Variants in SCAPER observed in about 807,000 individuals in gnomAD.
The protein encoded by SCAPER is S-phase cyclin A associated protein in the ER, also known as S phase cyclin A-associated protein in the endoplasmic reticulum.
In SCAPER, 98 loss-of-function variants were observed where a neutral mutation model predicts 182.2. The observed-to-expected ratio is 0.54, with a 90% CI of 0.46 to 0.64. The LOEUF is 0.64. SCAPER is among the 30% of genes least tolerant of loss of function. The pLI is 0.00. For synonymous variants in SCAPER, 605 were observed against 564.6 expected, an observed-to-expected ratio of 1.07 and a Z score of -1.01; for missense variants, 1,432 against 1,690.0, an observed-to-expected ratio of 0.85 and a Z score of 2.68.
intron 27 of SCAPER, among the ~76,000 whole-genome samples, chr15:76,403,624 G>A (rs1233503855): frequency 6.6e-6 from 1 of 152,158 alleles, no homozygotes; most frequent in African/African-American, 2.4e-5. Context: ...TCCTTAAGAA[G>A]CTAGACTTTA....
chr15:76,644,391 T>C (rs899545511), intron 21 of SCAPER, among the ~76,000 whole-genome samples: 1 of 152,182 alleles, frequency 6.6e-6, no homozygotes, highest in Non-Finnish European at 1.5e-5. Context: ...TTTATATTAT[T>C]TCTAAATGCT....
At chr15:76,463,556 T>C (rs1271429435) in intron 25 of SCAPER, among the ~76,000 whole-genome samples, 1 of 152,104 alleles carries the variant, frequency 6.6e-6, no homozygotes, top group Non-Finnish European at 1.5e-5. Flanking sequence ...CTCCCAAAAA[T>C]ACATACACAC....
chr15:76,796,886 A>G (rs1325633673), intron 7 of SCAPER, among the ~76,000 whole-genome samples: 2 of 152,310 alleles, frequency 1.3e-5, no homozygotes, highest in East Asian at 1.9e-4. Context: ...ATACTACCTA[A>G]TAACTCCATA....
intron 24 of SCAPER, among the ~76,000 whole-genome samples, chr15:76,480,842 T>C (rs1016575082): frequency 6.6e-6 from 1 of 152,284 alleles, no homozygotes; most frequent in South Asian, 2.1e-4. Flanking sequence ...GCCATTCTCC[T>C]GCCTCAGCCT....
chr15:76,885,009 C>T (rs2073766162), intron 1 of SCAPER, among the ~76,000 whole-genome samples: 1 of 152,120 alleles, frequency 6.6e-6, no homozygotes, highest in Non-Finnish European at 1.5e-5. Flanking sequence ...TTGCTGAAGG[C>T]TGCGGGGTTA....
chr15:76,609,873 C>A (rs2050819627), intron 22 of SCAPER, among the ~76,000 whole-genome samples: 1 of 152,046 alleles, frequency 6.6e-6, no homozygotes, highest in East Asian at 1.9e-4. Context: ...TTAACCAGTA[C>A]TTCTTTTTTT....
chr15:76,539,787 T>C (rs1019734966), intron 23 of SCAPER, among the ~76,000 whole-genome samples: 1 of 152,108 alleles, frequency 6.6e-6, no homozygotes, highest in African/African-American at 2.4e-5. Context: ...CCTCGTGATC[T>C]GCCCGCCTCG....
At chr15:76,404,706 A>T in intron 26 of SCAPER, 27 bp from the exon 27 acceptor site, 3 of 1,601,748 alleles carry the variant, frequency 1.9e-6, no homozygotes, top group Non-Finnish European at 1.7e-6. Flanking sequence ...AATGCATGTT[A>T]TCAATCTGAA....
chr15:76,566,626 C>A (rs760847244), intron 23 of SCAPER, among the ~76,000 whole-genome samples: 11 of 152,036 alleles, frequency 7.2e-5, no homozygotes, highest in Non-Finnish European at 1.0e-4. Flanking sequence ...AAATACAGAT[C>A]GCATTCACTT....
At chr15:76,667,935 C>T (rs548713419) in intron 20 of SCAPER, among the ~76,000 whole-genome samples, 1 of 151,498 alleles carries the variant, frequency 6.6e-6, no homozygotes, top group African/African-American at 2.4e-5. Flanking sequence ...TGCACTCCAG[C>T]CTGGGCAACA....
chr15:76,710,451 G>C (rs183131954), intron 17 of SCAPER, among the ~76,000 whole-genome samples: 2 of 152,090 alleles, frequency 1.3e-5, no homozygotes, highest in East Asian at 3.9e-4. Flanking sequence ...CAGAGTTGTA[G>C]AATGAAATAA....
At chr15:76,689,358 T>C (rs953311422) in intron 20 of SCAPER, among the ~76,000 whole-genome samples, 1 of 152,032 alleles carries the variant, frequency 6.6e-6, no homozygotes, top group Non-Finnish European at 1.5e-5. Flanking sequence ...CAAGTTTGAT[T>C]AAGGCAAAAA....
At chr15:76,519,327 T>G (rs1265352527) in intron 23 of SCAPER, among the ~76,000 whole-genome samples, 1 of 152,104 alleles carries the variant, frequency 6.6e-6, no homozygotes, top group Admixed American at 6.5e-5. Context: ...AAACTATACC[T>G]CTGAAAATAT....
intron 21 of SCAPER, among the ~76,000 whole-genome samples, chr15:76,659,539 G>A (rs1007935762): frequency 2.0e-5 from 3 of 152,120 alleles, no homozygotes; most frequent in Non-Finnish European, 4.4e-5. Context: ...CAAAGTGTTG[G>A]GATTGTAGGC....
At chr15:76,645,762 C>T (rs900561316) in intron 21 of SCAPER, among the ~76,000 whole-genome samples, 1 of 152,094 alleles carries the variant, frequency 6.6e-6, no homozygotes, top group Non-Finnish European at 1.5e-5. Context: ...GTTCTATACA[C>T]TTTTGTATGC....
rs1486882229 is a variant in SCAPER at position 76,348,045 on chromosome 15, G to A, written c.*588C>T. The stretch of plus-strand genomic sequence containing the variant: ...TAATTTCAGCTCGGCAATGCCAAGA[G>A]AGGATTATCTGCTAGGAGAGTTCGG... On this transcript the variant is annotated 3_prime_UTR_variant, in exon 32 of 32. Coordinates refer to ENST00000563290, the MANE Select transcript of SCAPER (RefSeq NM_020843.4). 1.3e-5 allele frequency: 2 copies of A among 152,232 alleles called. No individual in the cohort carries two copies. The highest frequency in any genetic ancestry group is 2.9e-5 in the Non-Finnish European group (2 of 68,052). The allele number at this position is 152,232 out of a possible 1,614,324, so 9.4% of individuals were successfully genotyped here.
At chr15:76,676,748 T>G (rs1402796878) in intron 20 of SCAPER, among the ~76,000 whole-genome samples, 1 of 151,638 alleles carries the variant, frequency 6.6e-6, no homozygotes, top group Non-Finnish European at 1.5e-5. Context: ...GATTCAAATC[T>G]ATGCAATGCA....
At chr15:76,639,544 G>A (rs2146355456) in intron 21 of SCAPER, among the ~76,000 whole-genome samples, 1 of 152,208 alleles carries the variant, frequency 6.6e-6, no homozygotes, top group East Asian at 1.9e-4. Context: ...AAATCTACTT[G>A]TCACCTTGAA....
intron 15 of SCAPER, among the ~76,000 whole-genome samples, chr15:76,739,952 T>C (rs1347348211): frequency 6.6e-6 from 1 of 152,178 alleles, no homozygotes; most frequent in African/African-American, 2.4e-5. Context: ...GGATCACTTG[T>C]GACCAGGAGT....
Sources: allele counts gnomAD v4.1 joint callset (sites outside exome capture counted in the v4.1 genomes callset), GRCh38; gene constraint gnomAD v4.1.1; transcripts MANE v1.5; gene names NCBI Gene and HGNC (gene_info 2026-07-23, HGNC 2026-07-21).